Variants in GCNT1 observed in about 807,000 individuals in gnomAD.
The protein encoded by GCNT1 is beta-1,3-galactosyl-O-glycosyl-glycoprotein beta-1,6-N-acetylglucosaminyltransferase.
A neutral mutation model predicts 26.2 loss-of-function variants in GCNT1; 16 were observed. The observed-to-expected ratio is 0.61, with a 90% confidence interval of 0.41 to 0.93. The LOEUF is 0.93. Ranked by LOEUF, GCNT1 falls within the 40% of genes least tolerant of loss-of-function variation. The probability of loss-of-function intolerance (pLI) is 0.00; values close to 1 mark genes in which losing one functional copy is unlikely to be tolerated. For synonymous variants in GCNT1, 183 were observed against 190.8 expected (o/e 0.96, Z 0.34); for missense variants, 477 against 526.7 (o/e 0.91, Z 0.92).
At chr9:76,468,417 T>C (rs1295420706) in intron 2 of GCNT1, among the ~76,000 whole-genome samples, 1 of 152,172 alleles carries the variant, frequency 6.6e-6, no homozygotes, top group Admixed American at 6.5e-5. Flanking sequence ...GAGCGGGTGA[T>C]AGGTGTACTG....
chr9:76,438,027 A>G (rs1252812026), upstream of GCNT1, among the ~76,000 whole-genome samples: 1 of 152,254 alleles, frequency 6.6e-6, no homozygotes, highest in Non-Finnish European at 1.5e-5. Context: ...AAGTTCCTAG[A>G]ACAAATAAAA....
chr9:76,428,356 A>G (rs1421704074), intron 1 of GCNT1, among the ~76,000 whole-genome samples: 1 of 151,702 alleles, frequency 6.6e-6, no homozygotes, highest in East Asian at 1.9e-4. Flanking sequence ...ACAAGTAGTC[A>G]TTACAATTGC....
chr9:76,437,143 GA>G (rs933379600), upstream of GCNT1, among the ~76,000 whole-genome samples: 22 of 151,712 alleles, frequency 1.5e-4, no homozygotes, highest in Non-Finnish European at 2.7e-4. Context: ...AATATATGGG[GA>G]AAAAAAGAGA....
At chr9:76,396,913 A>G in the GCNT1 span, among the ~76,000 whole-genome samples, 92 of 152,286 alleles carry the variant, frequency 6.0e-4, no homozygotes, top group Admixed American at 3.1e-3. Context: ...CCTGAGCCCC[A>G]GAATTTGAGG....
chr9:76,394,459 G>A, the GCNT1 span: 2 of 319,300 alleles, frequency 6.3e-6, no homozygotes, highest in African/African-American at 2.2e-5. Context: ...GGAGGGGGCG[G>A]CCCGAAGCGC....
upstream of GCNT1, among the ~76,000 whole-genome samples, chr9:76,456,506 C>T (rs886482199): frequency 2.0e-5 from 3 of 152,240 alleles, no homozygotes; most frequent in Non-Finnish European, 2.9e-5. Flanking sequence ...TACTCTCTCT[C>T]TGTTACTACA....
chr9:76,497,447 C>T (rs1455091649), intron 2 of GCNT1, among the ~76,000 whole-genome samples: 1 of 152,142 alleles, frequency 6.6e-6, no homozygotes, highest in Admixed American at 6.6e-5. Flanking sequence ...TGTATTCACC[C>T]TGATGATAAA....
At chr9:76,469,873 A>G (rs1355068399) in intron 2 of GCNT1, among the ~76,000 whole-genome samples, 1 of 152,078 alleles carries the variant, frequency 6.6e-6, no homozygotes, top group African/African-American at 2.4e-5. Context: ...CCAAGATTCC[A>G]TTCCTTGGAA....
Position 76,505,860 on chromosome 9 carries a change from C to CTT in GCNT1, c.*2192_*2193insTT, listed in dbSNP as rs1825223206. 6.0e-6 allele frequency: 1 copy of CTT among 165,778 alleles called. No homozygotes were observed. Among genetic ancestry groups the CTT allele is most frequent in the Non-Finnish European group, 1.5e-5 (1 of 68,088 alleles). The allele number at this position is 165,778 out of a possible 1,614,324, so 10.3% of individuals were successfully genotyped here. A position where few individuals can be genotyped will look rare whatever the true frequency, so the allele number is the denominator to read the frequency against. ...TTTTTTTCTTCATCATAAATGTAAACATAGGATTTTAGAGTCTATTTCCCC... is the reference window on the plus strand; with the variant it reads ...TTTTTTTCTTCATCATAAATGTAAACTTATAGGATTTTAGAGTCTATTTCCCC... On this transcript the variant is annotated 3_prime_UTR_variant, in exon 4 of 4. Transcript: ENST00000376730.
intron 1 of GCNT1, among the ~76,000 whole-genome samples, chr9:76,447,827 C>T (rs1256669592): frequency 6.6e-6 from 1 of 152,216 alleles, no homozygotes; most frequent in Non-Finnish European, 1.5e-5. Context: ...TCTTCTTTAG[C>T]ATGTCAGTCC....
chr9:76,456,473 G>T (rs1291610387), upstream of GCNT1, among the ~76,000 whole-genome samples: 1 of 152,128 alleles, frequency 6.6e-6, no homozygotes, highest in Non-Finnish European at 1.5e-5. Context: ...CCAGCTCTGT[G>T]CATGGCAGCT....
the GCNT1 span, among the ~76,000 whole-genome samples, chr9:76,395,974 A>AT: frequency 2.0e-5 from 3 of 152,134 alleles, no homozygotes; most frequent in Non-Finnish European, 2.9e-5. Context: ...GGTCAGAATG[A>AT]TTTTTTTGTA....
chr9:76,446,926 G>C (rs1287895269), intron 1 of GCNT1, among the ~76,000 whole-genome samples: 2 of 151,862 alleles, frequency 1.3e-5, no homozygotes, highest in African/African-American at 4.8e-5. Flanking sequence ...AGGCTGAGAC[G>C]GGCAGATCAC....
At chr9:76,468,981 T>A (rs71499155) in intron 2 of GCNT1, among the ~76,000 whole-genome samples, 9,973 of 152,278 alleles carry the variant, frequency 0.065, 366 homozygotes, top group Middle Eastern at 0.13. Context: ...AATTGAAAAG[T>A]AACAATGAGT....
chr9:76,485,336 C>A (rs1335165045), intron 2 of GCNT1, among the ~76,000 whole-genome samples: 1 of 151,928 alleles, frequency 6.6e-6, no homozygotes, highest in Admixed American at 6.6e-5. Flanking sequence ...CCACACCCGG[C>A]TAATTTTTTG....
intron 2 of GCNT1, among the ~76,000 whole-genome samples, chr9:76,494,972 TG>T (rs1824863107): frequency 6.6e-6 from 1 of 152,142 alleles, no homozygotes; most frequent in Admixed American, 6.6e-5. Context: ...TCCAAAGAGT[TG>T]GGGGTTGTTA....
the GCNT1 span, among the ~76,000 whole-genome samples, chr9:76,408,685 TTTC>T: frequency 4.4e-4 from 67 of 152,196 alleles, 1 homozygote; most frequent in Admixed American, 1.2e-3. Flanking sequence ...TCTATTTTCT[TTTC>T]TTCTTCTTCT....
At chr9:76,400,892 A>G in the GCNT1 span, among the ~76,000 whole-genome samples, 1 of 152,244 alleles carries the variant, frequency 6.6e-6, no homozygotes, top group Non-Finnish European at 1.5e-5. Context: ...AGCCAGAACT[A>G]CTAAGCTCTA....
chr9:76,473,459 G>A (rs538922348), intron 2 of GCNT1, among the ~76,000 whole-genome samples: 1 of 152,126 alleles, frequency 6.6e-6, no homozygotes, highest in East Asian at 1.9e-4. Flanking sequence ...TTAGACATGA[G>A]CTCAGATTTG....
Sources: allele counts gnomAD v4.1 joint callset (sites outside exome capture counted in the v4.1 genomes callset), GRCh38; gene constraint gnomAD v4.1.1; transcripts MANE v1.5; gene names NCBI Gene and HGNC (gene_info 2026-07-23, HGNC 2026-07-21).